Variants in TRPM2 observed in about 807,000 individuals in gnomAD.
The protein encoded by TRPM2 is transient receptor potential cation channel subfamily M member 2.
A neutral mutation model predicts 174.0 loss-of-function variants in TRPM2; 161 were observed. The observed-to-expected ratio is 0.93, with a 90% CI of 0.81 to 1.05. TRPM2 has a LOEUF of 1.05. Ranked by LOEUF, TRPM2 falls within the 50% of genes least tolerant of loss-of-function variation. The pLI, the probability that TRPM2 is intolerant of heterozygous loss-of-function variation, is 0.00. For synonymous variants in TRPM2, 954 were observed against 861.3 expected, an observed-to-expected ratio of 1.11 and a Z score of -1.88; for missense variants, 2,057 against 2,038.0, an observed-to-expected ratio of 1.01 and a Z score of -0.18.
intron 8 of TRPM2, among the ~76,000 whole-genome samples, chr21:44,380,628 C>T (rs896130776): frequency 1.3e-5 from 2 of 152,202 alleles, no homozygotes; most frequent in Admixed American, 6.5e-5. Context: ...CCCAGCCATG[C>T]AGCCAGGGTC....
At position 44,366,107 on chromosome 21, in the gene TRPM2, GT is replaced by G. The variant is rs368027411; in HGVS notation, c.424-646del. Among the ~76,000 whole-genome samples, 61 of 152,336 alleles carry G rather than the reference GT, an allele frequency of 4.0e-4. No individual in the cohort carries two copies. In the South Asian group the frequency reaches 0.012, roughly 30 times the overall value. On this transcript the variant is annotated intron_variant, in intron 3 of 31. Transcript: ENST00000397928. The surrounding 1 kb of genome is among the most constrained non-coding windows in gnomAD (Gnocchi z 6.0). ...TAGCGGAACAGGGAAAGTCCGCTGT[GT>G]ACTTGGGAGGGTCTCCTGGAGGACG...
chr21:44,397,434 G>A (rs1341098165), intron 12 of TRPM2, among the ~76,000 whole-genome samples: 1 of 152,182 alleles, frequency 6.6e-6, no homozygotes, highest in African/African-American at 2.4e-5. Flanking sequence ...AGGCCGGGTG[G>A]TGCCGCCCTC....
chr21:44,410,773 A>T (rs1215720770), intron 19 of TRPM2, among the ~76,000 whole-genome samples: 3 of 38,472 alleles, frequency 7.8e-5, no homozygotes, highest in South Asian at 8.7e-4. Context: ...AGTTTTGACC[A>T]CACTGTCTTG....
At chr21:44,440,234 G>A (rs1230868647) in intron 30 of TRPM2, among the ~76,000 whole-genome samples, 1 of 151,158 alleles carries the variant, frequency 6.6e-6, no homozygotes, top group Non-Finnish European at 1.5e-5. Context: ...CTACTTGGGA[G>A]GCTGAAGCAG....
At chr21:44,410,492 CCG>C (rs1569084529) in intron 19 of TRPM2, among the ~76,000 whole-genome samples, 3 of 67,072 alleles carry the variant, frequency 4.5e-5, no homozygotes, top group Admixed American at 1.7e-4. Context: ...TAAGTTTTGA[CCG>C]CACTGTCTTG....
chr21:44,437,232 C>CA, intron 29 of TRPM2, 65 bp downstream of exon 29: 2 of 1,453,060 alleles, frequency 1.4e-6, no homozygotes, highest in Non-Finnish European at 1.9e-6. Context: ...TCCATTCATC[C>CA]ATTCTGCCCA....
intron 4 of TRPM2, 32 bp from the exon 5 acceptor site, chr21:44,369,145 G>C: frequency 6.4e-7 from 1 of 1,564,614 alleles, no homozygotes; most frequent in African/African-American, 1.3e-5. Context: ...CCTCAGTGCT[G>C]TGGGGCCTGC....
chr21:44,436,335 G>A (rs1170813860), intron 28 of TRPM2, among the ~76,000 whole-genome samples: 1 of 152,138 alleles, frequency 6.6e-6, no homozygotes, highest in Non-Finnish European at 1.5e-5. Flanking sequence ...CCTCCCCCCA[G>A]CGGAGGGGCC....
intron 2 of TRPM2, among the ~76,000 whole-genome samples, chr21:44,362,348 C>CAAAAAAAAAAAAAAAAAAAAAAA (rs57031573): frequency 1.5e-4 from 13 of 89,238 alleles, no homozygotes; most frequent in East Asian, 3.6e-4. Flanking sequence ...ACTAAAAATA[C>CAAAAAAAAAAAAAAAAAAAAAAA]AAAAAAAAAA....
intron 22 of TRPM2, among the ~76,000 whole-genome samples, chr21:44,420,735 G>A (rs189590577): frequency 1.1e-3 from 168 of 152,358 alleles, no homozygotes; most frequent in African/African-American, 3.8e-3. Flanking sequence ...ATGTCAGGAT[G>A]AAGCTGGAAG....
Position 44,439,264 on chromosome 21 carries a change from G to A in TRPM2, c.4269+96G>A. The A allele has an allele frequency of 8.7e-7, 1 of 1,153,584 alleles. No individual in the cohort carries two copies. Among genetic ancestry groups the A allele is most frequent in the Non-Finnish European group, 1.3e-6 (1 of 790,752 alleles). The allele number at this position is 1,153,584 out of a possible 1,614,324, so 71.5% of individuals were successfully genotyped here. Reference sequence around the variant, plus strand: ...TGGGGACCTGCCCCAGCACCACTGGGTGGCAGCGGTCCCACCCAGCTTCAC... The same window carrying A: ...TGGGGACCTGCCCCAGCACCACTGGATGGCAGCGGTCCCACCCAGCTTCAC... On this transcript the variant is annotated intron_variant, in intron 30 of 31. Coordinates refer to ENST00000397928, the MANE Select transcript of TRPM2 (RefSeq NM_003307.4). The surrounding 1 kb of genome is among the most constrained non-coding windows in gnomAD (Gnocchi z 5.1).
Position 44,418,045 on chromosome 21 carries a change from C to T in TRPM2, c.3265C>T (p.His1089Tyr), listed in dbSNP as rs774031744. 1.2e-6 allele frequency: 2 copies of T among 1,613,184 alleles called. No homozygotes were observed. Among genetic ancestry groups the T allele is most frequent in the East Asian group, 2.2e-5 (1 of 44,898 alleles). ...GCCGCCCCCCTTCATCCTCCTCAGC[C>T]ACCTGCAGCTCTTCATCAAGAGGGT... The part of the protein sequence containing the change: ...AAPPPFILLS[H>Y]LQLFIKRVVL... Residue 1089 changes from histidine (H) to tyrosine (Y), a missense_variant, in exon 21 of 32, where the codon CAC becomes TAC. Coordinates refer to ENST00000397928, the MANE Select transcript of TRPM2 (RefSeq NM_003307.4).
At chr21:44,386,331 C>T (rs945107561) in intron 9 of TRPM2, among the ~76,000 whole-genome samples, 2 of 152,018 alleles carry the variant, frequency 1.3e-5, no homozygotes, top group African/African-American at 4.8e-5. Flanking sequence ...TGGTGTGAAC[C>T]CAGGAGGCAG....
intron 20 of TRPM2, chr21:44,414,441 G>A (rs1005172): frequency 0.73 from 177,909 of 244,164 alleles, 65,306 homozygotes; most frequent in East Asian, 0.77. Context: ...ATTATTCATG[G>A]GCTCACTGCT....
chr21:44,430,904 A>ATC (rs147728043), intron 27 of TRPM2, among the ~76,000 whole-genome samples: 7 of 149,950 alleles, frequency 4.7e-5, no homozygotes, highest in African/African-American at 1.5e-4. Flanking sequence ...GATTTAAAAA[A>ATC]TAATATAAAT....
At position 44,401,883 on chromosome 21, in the gene TRPM2, G is replaced by T; in HGVS notation, c.2524G>T (p.Glu842Ter). The T allele has an allele frequency of 1.9e-6, 3 of 1,613,706 alleles. No homozygotes were observed. The highest frequency in any genetic ancestry group is 2.5e-6 in the Non-Finnish European group (3 of 1,179,982). The change falls in exon 16 of 32, where the codon GAG becomes TAG. Residue 842 changes from glutamate (E) to a stop codon, truncating the protein, a stop_gained. Coordinates refer to ENST00000397928, the MANE Select transcript of TRPM2 (RefSeq NM_003307.4). LOFTEE classifies it high-confidence loss of function. The part of the protein sequence containing the change: ...IYLWLFSLVC[E>*]EMRQLFYDPD... ...CCTCTGGCTCTTCTCCTTGGTGTGCGAGGAGATGCGGCAGGTACAGCCCCA... is the reference window on the plus strand; with the variant it reads ...CCTCTGGCTCTTCTCCTTGGTGTGCTAGGAGATGCGGCAGGTACAGCCCCA...
intron 16 of TRPM2, among the ~76,000 whole-genome samples, chr21:44,404,602 ATGATAGTGATGATAG>A (rs971979496): frequency 5.3e-5 from 8 of 151,288 alleles, no homozygotes; most frequent in South Asian, 2.1e-4. Flanking sequence ...GCTGACCGTG[ATGATAGTGATGATAG>A]TGATAGTGAT....
intron 2 of TRPM2, among the ~76,000 whole-genome samples, chr21:44,360,884 T>C (rs2048189571): frequency 6.6e-6 from 1 of 151,434 alleles, no homozygotes; most frequent in Non-Finnish European, 1.5e-5. Context: ...ATTTTTCACA[T>C]GTGTATTTGT....
chr21:44,351,727 G>A (rs1843650267), upstream of TRPM2, among the ~76,000 whole-genome samples: 2 of 152,332 alleles, frequency 1.3e-5, no homozygotes, highest in South Asian at 4.1e-4. Context: ...TGGGCACTGG[G>A]TCGAGCCATT....
Sources: gnomAD v4.1 joint callset for allele counts (sites outside exome capture counted in the v4.1 genomes callset) on GRCh38, gnomAD v4.1.1 for gene constraint, Gnocchi (gnomAD v3.1) non-coding constraint, MANE v1.5 for transcripts, NCBI Gene and HGNC (gene_info 2026-07-23, HGNC 2026-07-21) for gene names.